ZBTB20: variants seen among roughly 807,000 people sequenced by gnomAD.
ZBTB20 encodes zinc finger and BTB domain containing 20.
In ZBTB20, 9 loss-of-function variants were observed where a neutral mutation model predicts 56.9. That is an observed-to-expected ratio of 0.16 (90% CI 0.10 to 0.28). The LOEUF is 0.28. Ranked by LOEUF, ZBTB20 falls within the 10% of genes least tolerant of loss-of-function variation. ZBTB20 has a pLI of 1.00. For missense variants in ZBTB20, 655 were observed against 1,003.0 expected (o/e 0.65, Z 4.69); for synonymous variants, 417 against 420.7 (o/e 0.99, Z 0.11).
intron 6 of ZBTB20, among the ~76,000 whole-genome samples, chr3:114,640,776 AC>A (rs2059519933): frequency 6.6e-6 from 1 of 152,112 alleles, no homozygotes; most frequent in Admixed American, 6.6e-5. Flanking sequence ...AAAGAGATAA[AC>A]TAAAACATTA....
chr3:114,472,170 A>G (rs2040207289), intron 7 of ZBTB20, among the ~76,000 whole-genome samples: 2 of 152,218 alleles, frequency 1.3e-5, no homozygotes, highest in African/African-American at 2.4e-5. Context: ...CAAAATCACT[A>G]AAATTGGTTG....
chr3:114,864,964 GA>G (rs1463929976), intron 4 of ZBTB20, among the ~76,000 whole-genome samples: 1 of 151,944 alleles, frequency 6.6e-6, no homozygotes, highest in Non-Finnish European at 1.5e-5. Context: ...TTTTTGGAAG[GA>G]AGAGTAATAT....
At chr3:114,452,990 T>C (rs1031713309) in intron 7 of ZBTB20, among the ~76,000 whole-genome samples, 1 of 152,178 alleles carries the variant, frequency 6.6e-6, no homozygotes, top group Non-Finnish European at 1.5e-5. Flanking sequence ...AACATTATCT[T>C]GGGTTTACAA....
chr3:114,339,371 G>A lies in ZBTB20; in HGVS notation c.1860C>T (p.Tyr620=), dbSNP rs755098861. 4 of 1,614,076 alleles carry A rather than the reference G, an allele frequency of 2.5e-6. No individual in the cohort carries two copies. In the East Asian group the frequency reaches 6.7e-5, roughly 27 times the overall value. The change falls in exon 12 of 12, where the codon TAC becomes TAT. Residue 620 remains tyrosine, a synonymous_variant. Coordinates refer to ENST00000675478, the MANE Select transcript of ZBTB20 (RefSeq NM_001348800.3). The surrounding 1 kb of genome is among the most constrained non-coding windows in gnomAD (Gnocchi z 4.2). The part of the protein sequence containing the change: ...ICWRSFSLKD[Y]LIKHMVTHTG... Reference sequence around the variant, plus strand: ...TGTGTGTCACCATGTGCTTGATAAGGTAATCCTTTAAGGAGAAGGAGCGCC... The same window carrying A: ...TGTGTGTCACCATGTGCTTGATAAGATAATCCTTTAAGGAGAAGGAGCGCC...
chr3:114,810,956 G>C (rs769417663), intron 4 of ZBTB20, among the ~76,000 whole-genome samples: 4 of 152,112 alleles, frequency 2.6e-5, no homozygotes, highest in Non-Finnish European at 5.9e-5. Flanking sequence ...ATGGGATATA[G>C]GGATAAGGTT....
intron 5 of ZBTB20, among the ~76,000 whole-genome samples, chr3:114,789,404 G>A (rs572665552): frequency 2.8e-4 from 43 of 152,102 alleles, no homozygotes; most frequent in African/African-American, 8.4e-4. Flanking sequence ...TCCTATAAGC[G>A]GTTAGCGTGC....
intron 6 of ZBTB20, among the ~76,000 whole-genome samples, chr3:114,685,498 A>G (rs1269637037): frequency 1.3e-5 from 2 of 152,210 alleles, no homozygotes; most frequent in Non-Finnish European, 2.9e-5. Context: ...TCTGCTACGC[A>G]ATGTGCAGCT....
chr3:114,988,216 A>C (rs1250618470), intron 2 of ZBTB20, among the ~76,000 whole-genome samples: 2 of 150,166 alleles, frequency 1.3e-5, no homozygotes, highest in African/African-American at 4.9e-5. Flanking sequence ...CATTTACATT[A>C]GGTATATCTC....
chr3:114,694,546 C>A (rs1030637373), intron 5 of ZBTB20, among the ~76,000 whole-genome samples: 13 of 151,692 alleles, frequency 8.6e-5, no homozygotes, highest in Non-Finnish European at 1.8e-4. Context: ...AAAAGAAGAA[C>A]CCTATAGAAT....
intron 6 of ZBTB20, among the ~76,000 whole-genome samples, chr3:114,568,032 G>C (rs576860027): frequency 6.6e-6 from 1 of 152,322 alleles, no homozygotes; most frequent in East Asian, 1.9e-4. Flanking sequence ...TGTTAAAGGT[G>C]TCAGCCTTCT....
At chr3:114,710,884 T>C (rs1405973661) in intron 5 of ZBTB20, among the ~76,000 whole-genome samples, 1 of 152,138 alleles carries the variant, frequency 6.6e-6, no homozygotes, top group Non-Finnish European at 1.5e-5. Context: ...TCCCTACTTA[T>C]CTACATGATC....
At chr3:114,754,609 A>C (rs1209682322) in intron 5 of ZBTB20, among the ~76,000 whole-genome samples, 1 of 152,198 alleles carries the variant, frequency 6.6e-6, no homozygotes, top group African/African-American at 2.4e-5. Flanking sequence ...TCCTAGTAAT[A>C]ACATAATTAT....
chr3:115,033,251 G>A (rs992723719), intron 2 of ZBTB20, among the ~76,000 whole-genome samples: 1 of 151,218 alleles, frequency 6.6e-6, no homozygotes, highest in Non-Finnish European at 1.5e-5. Context: ...CCAACGAATT[G>A]GATAACCTAG....
rs1307782437 is a variant in ZBTB20, at chr3:114,350,928, C to G, written c.1150G>C (p.Gly384Arg). The change falls in exon 11 of 12, where the codon GGC becomes CGC. Residue 384 changes from glycine to arginine, a missense_variant. By Grantham distance (125) the Gly-to-Arg change is moderately radical. Coordinates refer to ENST00000675478, the MANE Select transcript of ZBTB20 (RefSeq NM_001348800.3). ...TGCTCCACCGAGTCAGGCTCGGTGCCTATGGAGGAGCTGACGCCCGAGTCG... is the reference window on the plus strand; with the variant it reads ...TGCTCCACCGAGTCAGGCTCGGTGCGTATGGAGGAGCTGACGCCCGAGTCG... The part of the protein sequence containing the change: ...SFDSGVSSSI[G>R]TEPDSVEQQF... The G allele has an allele frequency of 6.2e-7, 1 of 1,605,904 alleles. No homozygotes were observed. The highest frequency in any genetic ancestry group is 8.5e-7 in the Non-Finnish European group (1 of 1,179,880).
At chr3:114,661,686 G>A (rs148181060) in intron 6 of ZBTB20, among the ~76,000 whole-genome samples, 184 of 152,104 alleles carry the variant, frequency 1.2e-3, no homozygotes, top group Non-Finnish European at 1.9e-3. Flanking sequence ...ACTCTGCCTG[G>A]CTTCCAAAAC....
intron 1 of ZBTB20, among the ~76,000 whole-genome samples, chr3:115,142,822 T>C (rs2084854294): frequency 6.6e-6 from 1 of 152,184 alleles, no homozygotes; most frequent in Non-Finnish European, 1.5e-5. Context: ...ATATGTACCC[T>C]TCCTGGAAGA....
chr3:114,472,193 T>G (rs975605594), intron 7 of ZBTB20, among the ~76,000 whole-genome samples: 3 of 152,208 alleles, frequency 2.0e-5, no homozygotes, highest in African/African-American at 7.2e-5. Flanking sequence ...AATTTCTGAT[T>G]TACAAGCTGA....
intron 5 of ZBTB20, among the ~76,000 whole-genome samples, chr3:114,782,056 T>A (rs979791882): frequency 6.6e-6 from 1 of 152,154 alleles, no homozygotes; most frequent in Non-Finnish European, 1.5e-5. Context: ...GCAGGATGCA[T>A]ACATCTTCTG....
At chr3:114,560,615 G>T (rs1240137600) in intron 6 of ZBTB20, among the ~76,000 whole-genome samples, 1 of 152,128 alleles carries the variant, frequency 6.6e-6, no homozygotes, top group Non-Finnish European at 1.5e-5. Context: ...ATACTTTGGA[G>T]ATGTAACACA....
Sources: gnomAD v4.1 joint callset for allele counts (sites outside exome capture counted in the v4.1 genomes callset) on GRCh38, gnomAD v4.1.1 for gene constraint, Gnocchi (gnomAD v3.1) non-coding constraint, MANE v1.5 for transcripts, NCBI Gene and HGNC (gene_info 2026-07-23, HGNC 2026-07-21) for gene names.